MAPKAPK5: variants seen among roughly 807,000 people sequenced by gnomAD.
MAPKAPK5 encodes the protein MAPK activated protein kinase 5.
A neutral mutation model predicts 65.1 loss-of-function variants in MAPKAPK5; 30 were observed. The observed-to-expected ratio is 0.46, with a 90% confidence interval of 0.34 to 0.63. MAPKAPK5 has a LOEUF of 0.63. Among genes scored for constraint, MAPKAPK5 ranks in the 20% least tolerant of loss-of-function variants. The pLI is 0.01. For missense variants in MAPKAPK5, 433 were observed against 581.4 expected (o/e 0.74, Z 2.63); for synonymous variants, 179 against 204.6 (o/e 0.87, Z 1.07).
intron 7 of MAPKAPK5, among the ~76,000 whole-genome samples, chr12:111,872,750 G>T (rs1374023221): frequency 6.6e-6 from 1 of 152,098 alleles, no homozygotes; most frequent in African/African-American, 2.4e-5. Context: ...CATCATCAGA[G>T]CCAGTAGCAT....
chr12:111,886,675 G>T (rs2070412590), intron 10 of MAPKAPK5, among the ~76,000 whole-genome samples: 1 of 152,254 alleles, frequency 6.6e-6, no homozygotes, highest in South Asian at 2.1e-4. Flanking sequence ...CCTCACTAAT[G>T]GGAAGTTAAT....
intron 13 of MAPKAPK5, among the ~76,000 whole-genome samples, chr12:111,892,326 G>A (rs1338646115): frequency 1.3e-5 from 2 of 152,174 alleles, no homozygotes; most frequent in Non-Finnish European, 2.9e-5. Flanking sequence ...GCTGGTTCAT[G>A]GAGGTCTTCA....
At chr12:111,874,954 T>G (rs986276607) in intron 7 of MAPKAPK5, among the ~76,000 whole-genome samples, 2 of 151,974 alleles carry the variant, frequency 1.3e-5, no homozygotes, top group Admixed American at 1.3e-4. Flanking sequence ...TTTTTTCATA[T>G]TTTTAGTAGA....
At position 111,889,916 on chromosome 12, in the gene MAPKAPK5, G is replaced by T; in HGVS notation, c.1217-124G>T. Reference sequence around the variant, plus strand: ...GGACTAGCAGTAAAGCCCTTGTCTGGTGAAGTTTTGCACATTCAGTCAACA... The same window carrying T: ...GGACTAGCAGTAAAGCCCTTGTCTGTTGAAGTTTTGCACATTCAGTCAACA... On this transcript the variant is annotated intron_variant, in intron 12 of 13. Coordinates refer to ENST00000550735, the MANE Select transcript of MAPKAPK5 (RefSeq NM_003668.4). 4 of 651,392 alleles carry T rather than the reference G, an allele frequency of 6.1e-6. No homozygotes were observed. The South Asian group carries it at 7.0e-5, about 11-fold the overall frequency. 40.4% of individuals were successfully genotyped at this position (651,392 alleles called of 1,614,324 possible). A position where few individuals can be genotyped will look rare whatever the true frequency, so the allele number is the denominator to read the frequency against.
In MAPKAPK5 at chr12:111,842,404, C is replaced by G. The variant is rs1012669035; in HGVS notation, c.-330C>G. ...CCCCGCGAGGCCCTTGCACGGCGCCCCGGGTCGAGGCCCTCCCCGCCTCGC... is the reference window on the plus strand; with the variant it reads ...CCCCGCGAGGCCCTTGCACGGCGCCGCGGGTCGAGGCCCTCCCCGCCTCGC... On this transcript the variant is annotated 5_prime_UTR_variant, in exon 1 of 14. Coordinates refer to ENST00000550735, the MANE Select transcript of MAPKAPK5 (RefSeq NM_003668.4). The G allele has an allele frequency of 1.4e-5, 3 of 213,346 alleles. No homozygotes were observed. The highest frequency in any genetic ancestry group is 2.8e-5 in the Non-Finnish European group (3 of 107,544). 13.2% of individuals were successfully genotyped at this position (213,346 alleles called of 1,614,324 possible).
intron 7 of MAPKAPK5, 145 bp downstream of exon 7, chr12:111,871,325 G>T: frequency 1.5e-6 from 1 of 646,260 alleles, no homozygotes. Context: ...TGCTTTATTT[G>T]GTGTAGATCT....
chr12:111,876,129 C>T (rs1278839705), intron 7 of MAPKAPK5, among the ~76,000 whole-genome samples: 2 of 149,902 alleles, frequency 1.3e-5, no homozygotes, highest in Admixed American at 1.3e-4. Context: ...ATTGCTTGAA[C>T]CTAGGAGGTG....
chr12:111,884,651 T>C (rs937589148), intron 9 of MAPKAPK5, among the ~76,000 whole-genome samples: 2 of 152,208 alleles, frequency 1.3e-5, no homozygotes, highest in Middle Eastern at 3.2e-3. Flanking sequence ...GTTTGTTTTT[T>C]CTGCCCACCT....
intron 2 of MAPKAPK5, among the ~76,000 whole-genome samples, 159 bp downstream of exon 2, chr12:111,865,482 C>T (rs1405384907): frequency 6.6e-6 from 1 of 152,120 alleles, no homozygotes; most frequent in Non-Finnish European, 1.5e-5. Context: ...GGCTTTTTCT[C>T]ATGTATTTAG....
rs138511097 is a variant in MAPKAPK5 at position 111,842,281 on chromosome 12, TGCTTCG to T, written c.-434_-429del. The T allele has an allele frequency of 0.19, 29,718 of 153,922 alleles. 3,038 individuals are homozygous for T. The highest frequency in any genetic ancestry group is 0.27 in the Middle Eastern group (79 of 292). The allele number at this position is 153,922 out of a possible 1,614,324, so 9.5% of individuals were successfully genotyped here. On this transcript the variant is annotated 5_prime_UTR_variant, in exon 1 of 14. Transcript: ENST00000550735. ...CGGCGGGAGCAGCGGCGCCGAGCTC[TGCTTCG>T]GCTTCGGCTTCGGCTTCGCGGCGGT...
Position 111,902,177 on chromosome 12 carries a change from A to C in MAPKAPK5, c.*9116A>C, listed in dbSNP as rs1023616411. 1 of 152,220 alleles carries C rather than the reference A, an allele frequency of 6.6e-6. No homozygotes were observed. Among genetic ancestry groups the C allele is most frequent in the Non-Finnish European group, 1.5e-5 (1 of 68,052 alleles). The allele number at this position is 152,220 out of a possible 1,614,324, so 9.4% of individuals were successfully genotyped here. A position where few individuals can be genotyped will look rare whatever the true frequency, so the allele number is the denominator to read the frequency against. On this transcript the variant is annotated 3_prime_UTR_variant, in exon 14 of 14. Transcript: ENST00000550735. ...ATAAATGTGCATTCATCAAAGGAGA[A>C]GTTTTTAAATCCAAAAACAAATAAA...
intron 1 of MAPKAPK5, among the ~76,000 whole-genome samples, chr12:111,860,221 C>T (rs1399349841): frequency 1.3e-5 from 2 of 152,220 alleles, no homozygotes; most frequent in Non-Finnish European, 2.9e-5. Context: ...TCCTGATCAA[C>T]TTACAGTCAA....
At chr12:111,849,441 A>G (rs2069002692) in intron 1 of MAPKAPK5, among the ~76,000 whole-genome samples, 1 of 150,468 alleles carries the variant, frequency 6.6e-6, no homozygotes, top group Non-Finnish European at 1.5e-5. Flanking sequence ...TTTTTAGTAG[A>G]GACTAAAAAT....
chr12:111,853,044 G>A (rs1446123721), intron 1 of MAPKAPK5, among the ~76,000 whole-genome samples: 1 of 152,138 alleles, frequency 6.6e-6, no homozygotes, highest in East Asian at 1.9e-4. Flanking sequence ...AAAGTGTTGG[G>A]ATTACAGGCA....
chr12:111,852,992 T>A (rs890087792), intron 1 of MAPKAPK5, among the ~76,000 whole-genome samples: 25 of 152,180 alleles, frequency 1.6e-4, no homozygotes, highest in African/African-American at 5.3e-4. Context: ...CAGGCTGATC[T>A]TGAACTCCTG....
At chr12:111,865,834 C>CA (rs1157723498) in intron 2 of MAPKAPK5, among the ~76,000 whole-genome samples, 6,928 of 54,506 alleles carry the variant, frequency 0.13, 424 homozygotes, top group African/African-American at 0.22. Flanking sequence ...GATTCTGTCT[C>CA]AAAAAAAAAA....
intron 6 of MAPKAPK5, 51 bp from the exon 7 acceptor site, chr12:111,871,034 A>T: frequency 7.1e-7 from 1 of 1,408,454 alleles, no homozygotes. Context: ...ATTTTCCTTT[A>T]ATGTTTACTG....
intron 7 of MAPKAPK5, among the ~76,000 whole-genome samples, chr12:111,878,936 A>G (rs541780849): frequency 7.9e-5 from 12 of 152,262 alleles, no homozygotes; most frequent in African/African-American, 2.6e-4. Flanking sequence ...ATAATTCTTG[A>G]AATCAGGTAG....
chr12:111,855,827 A>G (rs1949554876), intron 1 of MAPKAPK5, among the ~76,000 whole-genome samples: 2 of 151,742 alleles, frequency 1.3e-5, no homozygotes, highest in Non-Finnish European at 2.9e-5. Context: ...CTCCATCTCA[A>G]GAAAAAAAAA....
Sources: gnomAD v4.1 joint callset for allele counts (sites outside exome capture counted in the v4.1 genomes callset) on GRCh38, gnomAD v4.1.1 for gene constraint, MANE v1.5 for transcripts, NCBI Gene and HGNC (gene_info 2026-07-23, HGNC 2026-07-21) for gene names.